AFAP1L2: variants seen among roughly 807,000 people sequenced by gnomAD.
The protein encoded by AFAP1L2 is actin filament-associated protein 1-like 2.
A neutral mutation model predicts 99.3 loss-of-function variants in AFAP1L2; 46 were observed. The ratio of observed to expected loss-of-function variants is 0.46; its 90% confidence interval spans 0.37 to 0.59. The LOEUF is 0.59. Among genes scored for constraint, AFAP1L2 ranks in the 20% least tolerant of loss-of-function variants. The probability of loss-of-function intolerance (pLI) is 0.00; values close to 1 mark genes in which losing one functional copy is unlikely to be tolerated. For missense variants in AFAP1L2, 959 were observed against 1,034.9 expected (o/e 0.93, Z 1.01); for synonymous variants, 397 against 419.1 (o/e 0.95, Z 0.64).
intron 10 of AFAP1L2, among the ~76,000 whole-genome samples, chr10:114,306,379 A>AGGAGGGGACGCGGGGGCAGGAGGGGCCG (rs1265859385): frequency 6.7e-6 from 1 of 148,444 alleles, no homozygotes. Context: ...GCAGGAGGGC[A>AGGAGGGGACGCGGGGGCAGGAGGGGCCG]TGGGTGTCTA....
In AFAP1L2 at chr10:114,357,013, A is replaced by T. The variant is rs556272725; in HGVS notation, c.17-16282T>A. Among the ~76,000 whole-genome samples, 5 of 152,330 alleles carry T rather than the reference A, an allele frequency of 3.3e-5. No individual in the cohort carries two copies. In the East Asian group the frequency reaches 7.7e-4, roughly 24 times the overall value. ...AGTTATTCATCACAGAAATATTCTA[A>T]ATTAAACCCTTGAAGCCCCATTATA... On this transcript the variant is annotated intron_variant, in intron 1 of 18. Coordinates refer to ENST00000304129, the MANE Select transcript of AFAP1L2 (RefSeq NM_001001936.3).
intron 1 of AFAP1L2, among the ~76,000 whole-genome samples, chr10:114,352,985 C>T (rs1373879973): frequency 1.3e-5 from 2 of 152,246 alleles, no homozygotes; most frequent in African/African-American, 4.8e-5. Context: ...GGGAAACCCC[C>T]TTTCCTTACT....
At chr10:114,340,540 C>A in intron 2 of AFAP1L2, 63 bp downstream of exon 2, 3 of 1,555,610 alleles carry the variant, frequency 1.9e-6, no homozygotes, top group South Asian at 1.2e-5. Flanking sequence ...TGGCAGCCCG[C>A]ACTGACTCAC....
chr10:114,286,187 C>CGTG, the AFAP1L2 span: 1 of 1,614,040 alleles, frequency 6.2e-7, no homozygotes, highest in Non-Finnish European at 8.5e-7. Flanking sequence ...CATTCCCTTC[C>CGTG]GTGGTGGCCC....
Position 114,299,464 on chromosome 10 carries a change from G to A in AFAP1L2, c.1958-49C>T, listed in dbSNP as rs1589919964. 1.9e-6 allele frequency: 3 copies of A among 1,607,070 alleles called. No homozygotes were observed. In the South Asian group the frequency reaches 3.3e-5, roughly 18 times the overall value. On this transcript the variant is annotated intron_variant, in intron 15 of 18. Coordinates refer to ENST00000304129, the MANE Select transcript of AFAP1L2 (RefSeq NM_001001936.3). ...CCAGGTAAGCAGAGCTGGATCATGA[G>A]GGCTGTCCCCAGTCTACTCCCCAGG... is the stretch of plus-strand genomic sequence containing the variant.
At position 114,359,794 on chromosome 10, in the gene AFAP1L2, C is replaced by T. The variant is rs940171842; in HGVS notation, c.17-19063G>A. Among the ~76,000 whole-genome samples the T allele has an allele frequency of 5.9e-5, 9 of 152,210 alleles. No homozygotes were observed. In the East Asian group the frequency reaches 1.7e-3, roughly 29 times the overall value. On this transcript the variant is annotated intron_variant, in intron 1 of 18. Transcript: ENST00000304129. ...GTGCTGACGTGGTCAGGGCAAGAGGCAAAGGAAGCCAGTGGAAACTCAGAA... is the reference window on the plus strand; with the variant it reads ...GTGCTGACGTGGTCAGGGCAAGAGGTAAAGGAAGCCAGTGGAAACTCAGAA...
At chr10:114,308,052 A>G (rs1024271389) in intron 9 of AFAP1L2, 143 bp from the exon 10 acceptor site, 1 of 694,492 alleles carries the variant, frequency 1.4e-6, no homozygotes, top group Non-Finnish European at 2.6e-6. Flanking sequence ...GCACGCATAC[A>G]CACACACACA....
chr10:114,314,342 T>G (rs945235493), intron 6 of AFAP1L2, among the ~76,000 whole-genome samples: 1 of 152,222 alleles, frequency 6.6e-6, no homozygotes, highest in Non-Finnish European at 1.5e-5. Flanking sequence ...GCCCCAGGCC[T>G]GGAGGGCCTA....
intron 1 of AFAP1L2, among the ~76,000 whole-genome samples, chr10:114,389,024 G>T (rs2056835214): frequency 6.6e-6 from 1 of 152,176 alleles, no homozygotes; most frequent in Non-Finnish European, 1.5e-5. Context: ...CAACCTCAGG[G>T]GTTATTTCTA....
chr10:114,301,570 G>T, intron 12 of AFAP1L2, 105 bp from the exon 13 acceptor site: 1 of 814,984 alleles, frequency 1.2e-6, no homozygotes, highest in Non-Finnish European at 2.1e-6. Context: ...GAAAGTGGTG[G>T]CCACACAAGA....
At chr10:114,297,454 A>C in intron 16 of AFAP1L2, 41 bp from the exon 17 acceptor site, 3 of 1,589,514 alleles carry the variant, frequency 1.9e-6, no homozygotes, top group Non-Finnish European at 2.6e-6. Flanking sequence ...ACAGCATCTC[A>C]GCCCAGGCCA....
intron 16 of AFAP1L2, among the ~76,000 whole-genome samples, chr10:114,297,709 A>G (rs1488683596): frequency 6.6e-6 from 1 of 152,176 alleles, no homozygotes; most frequent in Non-Finnish European, 1.5e-5. Context: ...GGTTGCTTTG[A>G]CAGTGACCCA....
At chr10:114,290,507 TAGTG>T, downstream of AFAP1L2, 1 of 1,167,080 alleles carries the variant, frequency 8.6e-7, no homozygotes, top group Non-Finnish European at 1.2e-6. Flanking sequence ...ACGAAACATT[TAGTG>T]AGTACCTCCT....
At chr10:114,353,679 A>G (rs1195470057) in intron 1 of AFAP1L2, among the ~76,000 whole-genome samples, 1 of 152,232 alleles carries the variant, frequency 6.6e-6, no homozygotes, top group African/African-American at 2.4e-5. Context: ...AACAGACTGT[A>G]CAGAGAGTGG....
intron 4 of AFAP1L2, among the ~76,000 whole-genome samples, chr10:114,331,388 TAGCCTCAAGCA>T (rs922791362): frequency 1.3e-5 from 2 of 152,182 alleles, no homozygotes; most frequent in Non-Finnish European, 2.9e-5. Flanking sequence ...ATCAAATTCC[TAGCCTCAAGCA>T]AGCCTCCTGC....
the AFAP1L2 span, chr10:114,289,795 A>G: frequency 2.3e-6 from 1 of 430,114 alleles, no homozygotes; most frequent in Non-Finnish European, 4.3e-6. Flanking sequence ...AAGGGTCTAA[A>G]GATCCCACAT....
At chr10:114,312,182 G>A (rs577473756) in intron 7 of AFAP1L2, among the ~76,000 whole-genome samples, 5 of 151,990 alleles carry the variant, frequency 3.3e-5, no homozygotes, top group Non-Finnish European at 5.9e-5. Context: ...GGAGAAGATC[G>A]GTGGATTTGA....
intron 2 of AFAP1L2, among the ~76,000 whole-genome samples, chr10:114,335,975 TTAAC>T (rs1381400360): frequency 2.7e-5 from 4 of 148,572 alleles, no homozygotes; most frequent in South Asian, 2.2e-4. Context: ...TTTTATATCA[TTAAC>T]TAAGTTCACA....
chr10:114,285,970 C>T, the AFAP1L2 span: 5 of 1,608,668 alleles, frequency 3.1e-6, no homozygotes, highest in Admixed American at 1.7e-5. Flanking sequence ...GCAGGGTCGA[C>T]CTCCTCTTCC....
Sources: gnomAD v4.1 joint callset for allele counts (sites outside exome capture counted in the v4.1 genomes callset) on GRCh38, gnomAD v4.1.1 for gene constraint, MANE v1.5 for transcripts, NCBI Gene and HGNC (gene_info 2026-07-23, HGNC 2026-07-21) for gene names.